The following SPOCK1 variants were observed in gnomAD, a reference collection of about 807,000 sequenced individuals.
The protein encoded by SPOCK1 is SPARC (osteonectin), cwcv and kazal like domains proteoglycan 1, also known as testican-1.
Under a neutral mutation model 55.3 loss-of-function variants are expected in SPOCK1, and 23 were observed. The ratio of observed to expected loss-of-function variants is 0.42; its 90% CI spans 0.30 to 0.59. SPOCK1 has a LOEUF of 0.59. Among genes scored for constraint, SPOCK1 ranks in the 20% least tolerant of loss-of-function variants. The probability of loss-of-function intolerance (pLI) is 0.22; values close to 1 mark genes in which losing one functional copy is unlikely to be tolerated. For synonymous variants in SPOCK1, 226 were observed against 221.0 expected, an observed-to-expected ratio of 1.02 and a Z score of -0.20; for missense variants, 499 against 552.5, an observed-to-expected ratio of 0.90 and a Z score of 0.97.
intron 4 of SPOCK1, among the ~76,000 whole-genome samples, chr5:137,126,694 G>A (rs2905973): frequency 0.47 from 71,697 of 151,932 alleles, 17,085 homozygotes; most frequent in Middle Eastern, 0.52. Flanking sequence ...CCCAGGAGGC[G>A]GAGGCTGCAG....
Position 137,404,639 on chromosome 5 carries a change from C to T in SPOCK1, c.186+93734G>A, listed in dbSNP as rs1561526657. 2.0e-5 allele frequency among the ~76,000 whole-genome samples: 3 copies of T among 149,728 alleles called. 1 individual carries two copies. The South Asian group carries it at 6.4e-4, about 32-fold the overall frequency. ...TTCACTATGCTGGCTAGGCTGGTCT[C>T]GAACTCCTGACCTTGTGATACACCT... is the stretch of plus-strand genomic sequence containing the variant. On this transcript the variant is annotated intron_variant, in intron 2 of 10. Coordinates refer to ENST00000394945, the MANE Select transcript of SPOCK1 (RefSeq NM_004598.4).
intron 4 of SPOCK1, among the ~76,000 whole-genome samples, chr5:137,118,183 T>A (rs1280116341): frequency 6.6e-6 from 1 of 152,176 alleles, no homozygotes; most frequent in Admixed American, 6.5e-5. Context: ...ATAAAACAAT[T>A]CTTTGGAACC....
intron 9 of SPOCK1, among the ~76,000 whole-genome samples, chr5:136,980,011 GAAC>G (rs1211872821): frequency 2.0e-5 from 3 of 152,194 alleles, no homozygotes; most frequent in South Asian, 4.1e-4. Context: ...AATGTTCTAT[GAAC>G]AACACCAGTC....
At chr5:137,229,653 C>T (rs1238564650) in intron 3 of SPOCK1, among the ~76,000 whole-genome samples, 1 of 152,162 alleles carries the variant, frequency 6.6e-6, no homozygotes, top group Non-Finnish European at 1.5e-5. Flanking sequence ...TGCTGTAGAG[C>T]AGCAGTCCCC....
chr5:137,112,078 A>AC (rs891184336), intron 5 of SPOCK1, among the ~76,000 whole-genome samples: 45 of 150,946 alleles, frequency 3.0e-4, no homozygotes, highest in African/African-American at 9.5e-4. Context: ...CAGCATCACG[A>AC]CCCCCCCTTA....
chr5:137,042,591 A>G (rs935337243), intron 6 of SPOCK1, among the ~76,000 whole-genome samples: 4 of 152,158 alleles, frequency 2.6e-5, no homozygotes, highest in Non-Finnish European at 5.9e-5. Flanking sequence ...CAAACAGCCT[A>G]TACATAAGCA....
chr5:137,488,431 C>T (rs887499877), intron 2 of SPOCK1, among the ~76,000 whole-genome samples: 2 of 152,118 alleles, frequency 1.3e-5, no homozygotes, highest in Admixed American at 6.5e-5. Flanking sequence ...TCCTGGGTGC[C>T]ACCTTTGACC....
intron 9 of SPOCK1, among the ~76,000 whole-genome samples, chr5:136,980,115 A>G (rs1028621885): frequency 6.6e-6 from 1 of 151,516 alleles, no homozygotes; most frequent in African/African-American, 2.4e-5. Context: ...CTTTACTTGC[A>G]TTATTTCATC....
intron 2 of SPOCK1, among the ~76,000 whole-genome samples, chr5:137,309,175 T>C (rs1455887391): frequency 6.6e-6 from 1 of 152,224 alleles, no homozygotes; most frequent in East Asian, 1.9e-4. Flanking sequence ...GAAGGATGCA[T>C]ACATCATTGC....
chr5:137,285,749 C>T (rs371917742), intron 2 of SPOCK1, among the ~76,000 whole-genome samples: 3 of 152,122 alleles, frequency 2.0e-5, no homozygotes, highest in Non-Finnish European at 2.9e-5. Context: ...GTAATGGAAG[C>T]CTTTTGCACC....
At chr5:136,997,114 G>A (rs1030622397) in intron 6 of SPOCK1, among the ~76,000 whole-genome samples, 12 of 152,184 alleles carry the variant, frequency 7.9e-5, no homozygotes, top group Admixed American at 5.9e-4. Flanking sequence ...ACGTTATGAC[G>A]TATCATTTTT....
rs182535490 is a variant in SPOCK1 at position 137,054,835 on chromosome 5, C to T, written c.589+12880G>A. 2.3e-3 allele frequency among the ~76,000 whole-genome samples: 354 copies of T among 152,212 alleles called. 5 individuals carry two copies. The South Asian group carries it at 0.028, about 12-fold the overall frequency. On this transcript the variant is annotated intron_variant, in intron 6 of 10. Transcript: ENST00000394945. ...TTACACTTAGTGGTGACCATACATT[C>T]GACAGATCCTATGCTGGGGATATAA...
At chr5:137,116,309 T>C (rs1232632287) in intron 4 of SPOCK1, among the ~76,000 whole-genome samples, 3 of 152,222 alleles carry the variant, frequency 2.0e-5, no homozygotes, top group Non-Finnish European at 2.9e-5. Context: ...AAAGGAATGA[T>C]TTTTAGGTGC....
At chr5:137,194,742 C>G (rs934264847) in intron 3 of SPOCK1, among the ~76,000 whole-genome samples, 2 of 152,184 alleles carry the variant, frequency 1.3e-5, no homozygotes, top group East Asian at 3.9e-4. Context: ...GCTCCACCCT[C>G]TACCCCAGAG....
intron 2 of SPOCK1, among the ~76,000 whole-genome samples, chr5:137,324,290 C>G (rs151128044): frequency 6.6e-6 from 1 of 152,210 alleles, no homozygotes; most frequent in Non-Finnish European, 1.5e-5. Flanking sequence ...ACTAAAAATA[C>G]AAAAATTAGC....
intron 3 of SPOCK1, among the ~76,000 whole-genome samples, chr5:137,256,153 T>C (rs554142047): frequency 6.6e-6 from 1 of 152,292 alleles, no homozygotes; most frequent in Admixed American, 6.5e-5. Flanking sequence ...ATATTCTGTA[T>C]GGATTTTTGA....
At chr5:137,142,556 C>T (rs1754119764) in intron 3 of SPOCK1, among the ~76,000 whole-genome samples, 1 of 152,184 alleles carries the variant, frequency 6.6e-6, no homozygotes, top group South Asian at 2.1e-4. Context: ...GAGTCTACTC[C>T]CCAAGGGATG....
chr5:137,392,449 G>A (rs1319937515), intron 2 of SPOCK1, among the ~76,000 whole-genome samples: 2 of 151,966 alleles, frequency 1.3e-5, no homozygotes, highest in East Asian at 1.9e-4. Flanking sequence ...TTCTTCCATC[G>A]ACAATTACCA....
Position 137,402,904 on chromosome 5 carries a change from C to T in SPOCK1, c.186+95469G>A, listed in dbSNP as rs75001709. On this transcript the variant is annotated intron_variant, in intron 2 of 10. Coordinates refer to ENST00000394945, the MANE Select transcript of SPOCK1 (RefSeq NM_004598.4). ...AAATACAGTCAGTGTGGGTCAGGAC[C>T]TTCTTAGAACTATTGATGGCTTACA... Among the ~76,000 whole-genome samples the T allele has an allele frequency of 3.6e-3, 547 of 152,258 alleles. 1 individual carries two copies. Among genetic ancestry groups the T allele is most frequent in the African/African-American group, 0.013 (521 of 41,548 alleles).
Sources: allele counts gnomAD v4.1 joint callset (sites outside exome capture counted in the v4.1 genomes callset), GRCh38; gene constraint gnomAD v4.1.1; transcripts MANE v1.5; gene names NCBI Gene and HGNC (gene_info 2026-07-23, HGNC 2026-07-21).